The following KY variants were observed in gnomAD, a reference collection of about 807,000 sequenced individuals.
KY encodes the protein kyphoscoliosis peptidase.
In KY, 43 loss-of-function variants were observed where a neutral mutation model predicts 76.1. That is an observed-to-expected ratio of 0.57 (90% CI 0.44 to 0.73). The LOEUF (loss-of-function observed/expected upper bound fraction) is 0.73, where lower values mean the gene tolerates loss of function less well. Among genes scored for constraint, KY ranks in the 30% least tolerant of loss-of-function variants. KY has a pLI of 0.00. For missense variants in KY, 722 were observed against 828.9 expected, an observed-to-expected ratio of 0.87 and a Z score of 1.58; for synonymous variants, 277 against 326.2, an observed-to-expected ratio of 0.85 and a Z score of 1.63.
At chr3:134,607,822 G>T in intron 10 of KY, 1 of 988,026 alleles carries the variant, frequency 1.0e-6, no homozygotes, top group Non-Finnish European at 1.2e-6. Flanking sequence ...AGGGGAGTGG[G>T]CTGGAAACGG....
chr3:134,606,872 C>T, intron 10 of KY: 1 of 967,558 alleles, frequency 1.0e-6, no homozygotes, highest in Non-Finnish European at 1.2e-6. Flanking sequence ...GGCAGCTTTC[C>T]AGCCCCTTAT....
At chr3:134,610,058 C>G (rs371103355) in intron 9 of KY, 137 bp downstream of exon 9, 74 of 909,184 alleles carry the variant, frequency 8.1e-5, no homozygotes, top group Non-Finnish European at 1.2e-4. Flanking sequence ...ACTTCAGAGC[C>G]GAGGAGGAGT....
intron 3 of KY, among the ~76,000 whole-genome samples, chr3:134,642,239 G>A (rs1965848873): frequency 6.6e-6 from 1 of 152,220 alleles, no homozygotes; most frequent in Non-Finnish European, 1.5e-5. Context: ...AATTCCCTGA[G>A]AGGCTCCAAT....
At chr3:134,627,295 T>A (rs560431442) in intron 5 of KY, among the ~76,000 whole-genome samples, 1 of 152,120 alleles carries the variant, frequency 6.6e-6, no homozygotes, top group South Asian at 2.1e-4. Flanking sequence ...TTAGATGACA[T>A]CTGGTCTACT....
Position 134,620,745 on chromosome 3 carries a change from C to G in KY, c.592+4G>C. The stretch of plus-strand genomic sequence containing the variant: ...AGAGCCAGAAATTCCACAGGGGGGC[C>G]TACCTATGTGATGGCAGATCCAGAT... On this transcript the variant is annotated splice_donor_region_variant and intron_variant, in intron 7 of 10. Transcript: ENST00000423778. 6.2e-7 allele frequency: 1 copy of G among 1,609,818 alleles called. No individual in the cohort carries two copies. The highest frequency in any genetic ancestry group is 2.2e-5 in the East Asian group (1 of 44,834).
intron 3 of KY, among the ~76,000 whole-genome samples, chr3:134,640,794 T>C (rs1965645019): frequency 6.6e-6 from 1 of 152,202 alleles, no homozygotes; most frequent in African/African-American, 2.4e-5. Flanking sequence ...ACTCCTCTCT[T>C]GTATACCCCA....
At chr3:134,620,989 A>G in intron 6 of KY, 132 bp from the exon 7 acceptor site, 1 of 637,130 alleles carries the variant, frequency 1.6e-6, no homozygotes. Context: ...TGAGGGGCAA[A>G]GGCTGGCTGA....
rs370543728 is a variant in KY, at chr3:134,634,058, A to G, written c.263-4363T>C. Reference sequence around the variant, plus strand: ...TCTAAAACAAACAAAAATCCCAAACATGTGCAATAATCGCATACTGAAAAC... The same window carrying G: ...TCTAAAACAAACAAAAATCCCAAACGTGTGCAATAATCGCATACTGAAAAC... On this transcript the variant is annotated intron_variant, in intron 3 of 10. Coordinates refer to ENST00000423778, the MANE Select transcript of KY (RefSeq NM_178554.6). Among the ~76,000 whole-genome samples, 20 of 152,356 alleles carry G rather than the reference A, an allele frequency of 1.3e-4. No individual in the cohort carries two copies. The East Asian group carries it at 3.7e-3, about 28-fold the overall frequency.
At chr3:134,646,211 G>A (rs147331950) in intron 2 of KY, among the ~76,000 whole-genome samples, 11 of 152,266 alleles carry the variant, frequency 7.2e-5, no homozygotes, top group Admixed American at 2.0e-4. Context: ...TAGCTTTGGC[G>A]TCTACTTCAG....
intron 8 of KY, among the ~76,000 whole-genome samples, chr3:134,610,905 G>A (rs1960308674): frequency 6.6e-6 from 1 of 152,214 alleles, no homozygotes; most frequent in African/African-American, 2.4e-5. Context: ...TGCTGGTTGT[G>A]AGGGTACAGA....
At chr3:134,629,058 A>G (rs1963875081) in intron 4 of KY, among the ~76,000 whole-genome samples, 2 of 152,158 alleles carry the variant, frequency 1.3e-5, no homozygotes, top group South Asian at 4.1e-4. Context: ...GAGGACCGAG[A>G]AGGGAGTTGG....
In KY at chr3:134,643,347, C is replaced by T; in HGVS notation, c.231G>A (p.Gln77=). 1 of 1,613,956 alleles carries T rather than the reference C, an allele frequency of 6.2e-7. No individual in the cohort carries two copies. The highest frequency in any genetic ancestry group is 8.5e-7 in the Non-Finnish European group (1 of 1,179,886). Residue 77 remains glutamine, a synonymous_variant, in exon 3 of 11, where the codon CAG becomes CAA. Transcript: ENST00000423778. ...TGTTGTAGGAAGTGATGACCTGGGGCTGCTGAGGGTGCTGCTTCTCCACCA... is the reference window on the plus strand; with the variant it reads ...TGTTGTAGGAAGTGATGACCTGGGGTTGCTGAGGGTGCTGCTTCTCCACCA... ...ENLVEKQHPQ[Q]PQVITSYNSQ... is the part of the protein sequence containing the mutation.
In KY at chr3:134,603,680, A is replaced by C; in HGVS notation, c.1885T>G (p.Cys629Gly). The change falls in exon 11 of 11, where the codon TGC (cysteine) becomes GGC (glycine). Residue 629 changes from cysteine (C) to glycine (G), a missense_variant. Cys to Gly is a radical substitution (Grantham distance 159). This residue lies in a region of KY where 552 missense variants were observed against 680.9 expected (regional missense o/e 0.81). Transcript: ENST00000423778. Reference sequence around the variant, plus strand: ...ACTTCCTGGCAGCCAGCTGTGCTGCAGCTTCCCTCCCAGTAGCCCTCGTGG... The same window carrying C: ...ACTTCCTGGCAGCCAGCTGTGCTGCCGCTTCCCTCCCAGTAGCCCTCGTGG... ...LNHEGYWEGS[C>G]STAGCQEVYV... 2 of 1,613,888 alleles carry C rather than the reference A, an allele frequency of 1.2e-6. No homozygotes were observed. The highest frequency in any genetic ancestry group is 8.5e-7 in the Non-Finnish European group (1 of 1,179,832).
chr3:134,623,234 G>A (rs1361463100), intron 6 of KY, among the ~76,000 whole-genome samples: 1 of 152,160 alleles, frequency 6.6e-6, no homozygotes, highest in East Asian at 1.9e-4. Flanking sequence ...GCCTCCGCTG[G>A]CTTCCTGGCA....
chr3:134,636,950 AAACCTC>A lies in KY; in HGVS notation c.262+6360_262+6365del, dbSNP rs1170025146. 3.3e-5 allele frequency among the ~76,000 whole-genome samples: 5 copies of A among 152,154 alleles called. No homozygotes were observed. The East Asian group carries it at 9.6e-4, about 29-fold the overall frequency. ...TTATTTTTTCCTCATTGATTTTGTA[AAACCTC>A]CTTTTACTAACCCTTTGCCTGCTAA... is the stretch of plus-strand genomic sequence containing the variant. On this transcript the variant is annotated intron_variant, in intron 3 of 10. Transcript: ENST00000423778.
In KY at chr3:134,625,132, T is replaced by A; in HGVS notation, c.404A>T (p.Tyr135Phe). 1.3e-6 allele frequency: 2 copies of A among 1,595,208 alleles called. No individual in the cohort carries two copies. The highest frequency in any genetic ancestry group is 1.7e-6 in the Non-Finnish European group (2 of 1,170,606). The part of the protein sequence containing the change: ...RQPGGKDAHA[Y>F]PWDRSSLKSM... ...TTTCAGGCTAGATCGATCCCAGGGG[T>A]AGGCTGGAAACACAGGGCACCTTGG... The change falls in exon 6 of 11, where the codon TAC (tyrosine) becomes TTC (phenylalanine). Residue 135 changes from tyrosine to phenylalanine, a missense_variant. This residue lies in a region of KY where 552 missense variants were observed against 680.9 expected (regional missense o/e 0.81). Transcript: ENST00000423778.
chr3:134,647,916 C>T (rs528282374), intron 1 of KY, among the ~76,000 whole-genome samples: 1 of 152,334 alleles, frequency 6.6e-6, no homozygotes, highest in South Asian at 2.1e-4. Context: ...GACCGTCAAT[C>T]CCAATGGGAA....
At chr3:134,617,951 G>A (rs1264271962) in intron 8 of KY, among the ~76,000 whole-genome samples, 1 of 152,166 alleles carries the variant, frequency 6.6e-6, no homozygotes, top group Non-Finnish European at 1.5e-5. Flanking sequence ...AGGCCAGTGA[G>A]GATCCAGGTT....
intron 2 of KY, among the ~76,000 whole-genome samples, chr3:134,646,512 T>A (rs1966457626): frequency 6.6e-6 from 1 of 152,212 alleles, no homozygotes; most frequent in African/African-American, 2.4e-5. Flanking sequence ...ATATTTAGAA[T>A]CATGCCTGGC....
Sources: gnomAD v4.1 joint callset for allele counts (sites outside exome capture counted in the v4.1 genomes callset) on GRCh38, gnomAD v4.1.1 for gene constraint, gnomAD v4.1.1 regional missense constraint, MANE v1.5 for transcripts, NCBI Gene and HGNC (gene_info 2026-07-23, HGNC 2026-07-21) for gene names.